The following GC variants were observed in gnomAD, a reference collection of about 807,000 sequenced individuals.
GC encodes vitamin D-binding protein.
Under a neutral mutation model 56.7 loss-of-function variants are expected in GC, and 43 were observed. The ratio of observed to expected loss-of-function variants is 0.76; its 90% CI spans 0.59 to 0.98. GC has a LOEUF of 0.98. Ranked by LOEUF, GC falls within the 50% of genes least tolerant of loss-of-function variation. GC has a pLI of 0.00. For missense variants in GC, 529 were observed against 545.9 expected (o/e 0.97, Z 0.31); for synonymous variants, 216 against 202.7 (o/e 1.07, Z -0.56).
At chr4:71,773,191 A>C (rs1742395223) in intron 1 of GC, among the ~76,000 whole-genome samples, 1 of 152,080 alleles carries the variant, frequency 6.6e-6, no homozygotes, top group Non-Finnish European at 1.5e-5. Flanking sequence ...GCATAATCTT[A>C]GTGACTCTGA....
At chr4:71,784,154 C>T, upstream of GC, 1 of 1,352,386 alleles carries the variant, frequency 7.4e-7, no homozygotes, top group Non-Finnish European at 9.6e-7. Flanking sequence ...TCAGAAGCAA[C>T]ACAGAATTAT....
intron 11 of GC, among the ~76,000 whole-genome samples, chr4:71,750,777 C>T (rs952679423): frequency 1.3e-5 from 2 of 151,656 alleles, no homozygotes; most frequent in East Asian, 1.9e-4. Context: ...ACCAGCTACT[C>T]GGGAGGCTGA....
chr4:71,756,039 A>G (rs6817215), intron 8 of GC, among the ~76,000 whole-genome samples: 12,767 of 152,210 alleles, frequency 0.084, 1,325 homozygotes, highest in African/African-American at 0.25. Context: ...GAAACAGGAT[A>G]AAAGTTTACC....
At chr4:71,796,134 T>C (rs566461912) in intron 1 of GC, among the ~76,000 whole-genome samples, 5 of 152,202 alleles carry the variant, frequency 3.3e-5, no homozygotes, top group Non-Finnish European at 7.3e-5. Context: ...CTGACAATTA[T>C]GTTGCTTGGA....
intron 1 of GC, among the ~76,000 whole-genome samples, chr4:71,792,513 T>C (rs1742996906): frequency 6.6e-6 from 1 of 152,188 alleles, no homozygotes; most frequent in African/African-American, 2.4e-5. Flanking sequence ...GGCTCTTTGT[T>C]TTTTTTCTTG....
chr4:71,752,988 A>G (rs1397630709), intron 10 of GC, among the ~76,000 whole-genome samples: 1 of 152,196 alleles, frequency 6.6e-6, no homozygotes, highest in Non-Finnish European at 1.5e-5. Context: ...CAAATTCCTT[A>G]AAGAATATTT....
Position 71,783,970 on chromosome 4 carries a change from A to G in GC, c.49T>C (p.Leu17=). Residue 17 remains leucine, a synonymous_variant, in exon 1 of 13, where the codon TTA becomes CTA. Coordinates refer to ENST00000273951, the MANE Select transcript of GC (RefSeq NM_000583.4). The part of the protein sequence containing the change: ...LLLAVAFGHA[L]ERGRDYEKNK... ...ACAAAAGAAATCTTACCTCTCTCTA[A>G]AGCATGTCCAAATGCCACAGCAAGC... The G allele has an allele frequency of 6.2e-7, 1 of 1,600,706 alleles. No individual in the cohort carries two copies.
At chr4:71,772,937 A>G (rs1455593890) in intron 1 of GC, among the ~76,000 whole-genome samples, 1 of 152,110 alleles carries the variant, frequency 6.6e-6, no homozygotes, top group Non-Finnish European at 1.5e-5. Context: ...TCATTGTCTC[A>G]ATTTTCAAAT....
chr4:71,781,537 C>T (rs1303540503), intron 1 of GC, among the ~76,000 whole-genome samples: 1 of 150,918 alleles, frequency 6.6e-6, no homozygotes, highest in Non-Finnish European at 1.5e-5. Context: ...TAAATGTTTC[C>T]TGGTCATTAA....
In GC at chr4:71,793,700, G is replaced by A. The variant is rs536885564; in HGVS notation, c.22-9646C>T. Reference sequence around the variant, plus strand: ...GGAACTTCCAACACTATGCTGAATAGGAGTGGTGAGAGAGGGCATCCTTTT... The same window carrying A: ...GGAACTTCCAACACTATGCTGAATAAGAGTGGTGAGAGAGGGCATCCTTTT... On this transcript the variant is annotated intron_variant, in intron 1 of 13. Coordinates refer to the GC transcript ENST00000504199. Among the ~76,000 whole-genome samples, 3 of 152,308 alleles carry A rather than the reference G, an allele frequency of 2.0e-5. No homozygotes were observed. The South Asian group carries it at 6.2e-4, about 32-fold the overall frequency.
chr4:71,786,045 T>A (rs1234120030), upstream of GC: 2 of 151,852 alleles, frequency 1.3e-5, no homozygotes, highest in African/African-American at 2.4e-5. Context: ...TTTCATTTTT[T>A]AAAAAATTAA....
At chr4:71,770,027 T>A (rs1333903694) in intron 1 of GC, among the ~76,000 whole-genome samples, 1 of 152,060 alleles carries the variant, frequency 6.6e-6, no homozygotes, top group African/African-American at 2.4e-5. Flanking sequence ...TTAGACAAAG[T>A]GTGGTGAGTC....
intron 1 of GC, among the ~76,000 whole-genome samples, chr4:71,793,560 G>C (rs1394835583): frequency 1.3e-5 from 2 of 152,174 alleles, no homozygotes; most frequent in Admixed American, 1.3e-4. Context: ...TTTGGGCTGA[G>C]ACGATGGGGT....
chr4:71,762,286 C>T (rs113574864), intron 6 of GC, among the ~76,000 whole-genome samples: 12,063 of 152,212 alleles, frequency 0.079, 647 homozygotes, highest in East Asian at 0.24. Context: ...TTGCATGGGG[C>T]CTGTAGCCCC....
intron 12 of GC, among the ~76,000 whole-genome samples, chr4:71,745,737 A>G (rs531699091): frequency 2.9e-4 from 44 of 152,324 alleles, no homozygotes; most frequent in Non-Finnish European, 4.1e-4. Flanking sequence ...TAATATTTCA[A>G]CAGTATTGTT....
In GC at chr4:71,763,873, G is replaced by T; in HGVS notation, c.537C>A (p.Thr179=). ...QAPLSLLVSY[T]KSYLSMVGSC... ...ACCCTACCATAGAAAGATAACTCTT[G>T]GTGTAACTGACTAAAAGTGACAGAG... Residue 179 remains threonine, a synonymous_variant, in exon 5 of 13, where the codon ACC becomes ACA. Coordinates refer to ENST00000273951, the MANE Select transcript of GC (RefSeq NM_000583.4). 1 of 1,609,072 alleles carries T rather than the reference G, an allele frequency of 6.2e-7. No homozygotes were observed. The highest frequency in any genetic ancestry group is 8.5e-7 in the Non-Finnish European group (1 of 1,175,444).
At chr4:71,789,574 C>T (rs1742922905) in intron 1 of GC, among the ~76,000 whole-genome samples, 1 of 151,796 alleles carries the variant, frequency 6.6e-6, no homozygotes, top group Non-Finnish European at 1.5e-5. Context: ...AATGAATTTT[C>T]TCAGTTTTCA....
intron 1 of GC, among the ~76,000 whole-genome samples, chr4:71,796,943 G>A (rs1035998478): frequency 3.9e-5 from 6 of 152,128 alleles, no homozygotes; most frequent in African/African-American, 9.7e-5. Context: ...CAGGTCTGTC[G>A]GAGTTTGCTA....
upstream of GC, among the ~76,000 whole-genome samples, chr4:71,804,288 A>G (rs1743313474): frequency 6.6e-6 from 1 of 152,176 alleles, no homozygotes; most frequent in Non-Finnish European, 1.5e-5. Flanking sequence ...GCTTGCTTTT[A>G]TTCAATACAG....
Sources: allele counts gnomAD v4.1 joint callset (sites outside exome capture counted in the v4.1 genomes callset), GRCh38; gene constraint gnomAD v4.1.1; transcripts MANE v1.5; gene names NCBI Gene and HGNC (gene_info 2026-07-23, HGNC 2026-07-21).